CPNE4: variants seen among roughly 807,000 people sequenced by gnomAD.
The protein encoded by CPNE4 is copine 4.
CPNE4 carries 25 observed loss-of-function variants against 67.9 expected under a neutral mutation model. The ratio of observed to expected loss-of-function variants is 0.37; its 90% confidence interval spans 0.27 to 0.51. CPNE4 has a LOEUF of 0.51. CPNE4 is among the 20% of genes least tolerant of loss of function. The probability of loss-of-function intolerance (pLI) is 0.93; values close to 1 mark genes in which losing one functional copy is unlikely to be tolerated. For missense variants in CPNE4, 464 were observed against 690.8 expected (o/e 0.67, Z 3.68); for synonymous variants, 242 against 244.9 (o/e 0.99, Z 0.11).
intron 1 of CPNE4, among the ~76,000 whole-genome samples, chr3:131,936,911 A>G (rs973897532): frequency 6.6e-6 from 1 of 151,728 alleles, no homozygotes; most frequent in African/African-American, 2.4e-5. Flanking sequence ...AAGACACTAG[A>G]AGAGTACATA....
chr3:132,038,612 C>T (rs2074372511), upstream of CPNE4, among the ~76,000 whole-genome samples: 1 of 152,154 alleles, frequency 6.6e-6, no homozygotes, highest in African/African-American at 2.4e-5. Context: ...TCTCAGTTGT[C>T]CCTCTGAGCC....
chr3:131,570,033 T>G (rs558143146), intron 10 of CPNE4, among the ~76,000 whole-genome samples: 97 of 149,702 alleles, frequency 6.5e-4, no homozygotes, highest in African/African-American at 2.3e-3. Context: ...TGTAACACTA[T>G]GTCATAAACA....
intron 1 of CPNE4, among the ~76,000 whole-genome samples, chr3:131,957,775 C>A (rs1404541144): frequency 1.3e-5 from 2 of 152,212 alleles, no homozygotes; most frequent in Non-Finnish European, 2.9e-5. Context: ...AAGAGAATTT[C>A]TCAAGTCAAA....
At chr3:131,833,662 G>A (rs1438701521) in intron 2 of CPNE4, among the ~76,000 whole-genome samples, 1 of 152,196 alleles carries the variant, frequency 6.6e-6, no homozygotes, top group Non-Finnish European at 1.5e-5. Flanking sequence ...CTGTGCCACT[G>A]CACTCAACTC....
intron 14 of CPNE4, 30 bp from the exon 15 acceptor site, chr3:131,542,823 G>A (rs772827686): frequency 1.2e-5 from 18 of 1,467,976 alleles, no homozygotes; most frequent in Middle Eastern, 1.7e-4. Flanking sequence ...GATGATGGGG[G>A]GGGGTGAAGA....
rs147117807 is a variant in CPNE4 at position 131,832,376 on chromosome 3, A to G, written c.180+72888T>C. On this transcript the variant is annotated intron_variant, in intron 2 of 15. Transcript: ENST00000429747. ...AGGAGAGTCAGAGATCATCTACCTC[A>G]TGGTTTCAAAAGTGGGGGACCATTG... 5.9e-5 allele frequency among the ~76,000 whole-genome samples: 9 copies of G among 152,184 alleles called. No homozygotes were observed. In the East Asian group the frequency reaches 1.7e-3, roughly 29 times the overall value.
chr3:131,927,163 GTAAA>G (rs1164746381), intron 1 of CPNE4, among the ~76,000 whole-genome samples: 1 of 152,120 alleles, frequency 6.6e-6, no homozygotes, highest in African/African-American at 2.4e-5. Context: ...TTACGGATGG[GTAAA>G]TTAAGATTCA....
intron 1 of CPNE4, among the ~76,000 whole-genome samples, chr3:131,950,362 CTT>C (rs2071686674): frequency 6.6e-6 from 1 of 152,190 alleles, no homozygotes; most frequent in Admixed American, 6.5e-5. Flanking sequence ...CTGGATAACA[CTT>C]CAGCACTACT....
At chr3:132,001,458 A>G (rs1271992145) in intron 1 of CPNE4, among the ~76,000 whole-genome samples, 1 of 151,876 alleles carries the variant, frequency 6.6e-6, no homozygotes, top group Non-Finnish European at 1.5e-5. Context: ...ATGCATCACA[A>G]AAAAACTCAA....
intron 11 of CPNE4, among the ~76,000 whole-genome samples, chr3:131,560,237 T>C (rs1453998662): frequency 6.6e-6 from 1 of 151,974 alleles, no homozygotes. Context: ...CATCTTCAAT[T>C]TACAATGAAG....
At chr3:131,856,498 C>T (rs969984728) in intron 2 of CPNE4, among the ~76,000 whole-genome samples, 1 of 151,958 alleles carries the variant, frequency 6.6e-6, no homozygotes, top group Non-Finnish European at 1.5e-5. Context: ...TACATTCTAA[C>T]ACTCTGTAGT....
intron 3 of CPNE4, among the ~76,000 whole-genome samples, chr3:131,701,855 G>T (rs2081310431): frequency 6.6e-6 from 1 of 152,024 alleles, no homozygotes; most frequent in Non-Finnish European, 1.5e-5. Flanking sequence ...ACAAATGTTT[G>T]GTTTTTTAAG....
At chr3:131,961,589 T>C (rs2072178849) in intron 1 of CPNE4, among the ~76,000 whole-genome samples, 1 of 152,168 alleles carries the variant, frequency 6.6e-6, no homozygotes, top group Non-Finnish European at 1.5e-5. Flanking sequence ...ATTCATCCAA[T>C]ATATTACCCC....
chr3:131,685,139 T>C (rs1406894989), intron 6 of CPNE4, among the ~76,000 whole-genome samples: 1 of 152,120 alleles, frequency 6.6e-6, no homozygotes, highest in Non-Finnish European at 1.5e-5. Context: ...GAAAGTTACT[T>C]AACCTCCTTA....
intron 2 of CPNE4, among the ~76,000 whole-genome samples, chr3:131,851,058 A>G (rs750530530): frequency 7.9e-5 from 12 of 151,836 alleles, no homozygotes; most frequent in Non-Finnish European, 1.5e-4. Context: ...CTAAAACAAC[A>G]CAATGAGGGA....
chr3:131,898,887 T>A (rs1303016634), intron 2 of CPNE4, among the ~76,000 whole-genome samples: 2 of 152,000 alleles, frequency 1.3e-5, no homozygotes, highest in Non-Finnish European at 2.9e-5. Context: ...AAGGGGGAGG[T>A]ATAAAGCAAC....
At chr3:131,845,728 A>G (rs935178442) in intron 2 of CPNE4, among the ~76,000 whole-genome samples, 1 of 152,228 alleles carries the variant, frequency 6.6e-6, no homozygotes, top group Non-Finnish European at 1.5e-5. Context: ...TAAAAAATCA[A>G]TAAAAGCAAC....
chr3:131,920,968 T>C (rs2070726729), intron 1 of CPNE4, among the ~76,000 whole-genome samples: 1 of 152,156 alleles, frequency 6.6e-6, no homozygotes, highest in South Asian at 2.1e-4. Context: ...GATGGTCTGG[T>C]ATCCTTACAG....
At chr3:131,996,329 C>T (rs189512443) in intron 1 of CPNE4, among the ~76,000 whole-genome samples, 3 of 151,976 alleles carry the variant, frequency 2.0e-5, no homozygotes. Flanking sequence ...AGGGGAGAAA[C>T]TCTATTAAAA....
Sources: allele counts gnomAD v4.1 joint callset (sites outside exome capture counted in the v4.1 genomes callset), GRCh38; gene constraint gnomAD v4.1.1; transcripts MANE v1.5; gene names NCBI Gene and HGNC (gene_info 2026-07-23, HGNC 2026-07-21).